The following SLC39A8 variants were observed in gnomAD, a reference collection of about 807,000 sequenced individuals.
SLC39A8 encodes metal cation symporter ZIP8.
In SLC39A8, 15 loss-of-function variants were observed where a neutral mutation model predicts 40.4. The ratio of observed to expected loss-of-function variants is 0.37; its 90% CI spans 0.25 to 0.57. SLC39A8 has a LOEUF of 0.57. Among genes scored for constraint, SLC39A8 ranks in the 20% least tolerant of loss-of-function variants. The probability of loss-of-function intolerance (pLI) is 0.75; values close to 1 mark genes in which losing one functional copy is unlikely to be tolerated. For missense variants in SLC39A8, 472 were observed against 558.8 expected, an observed-to-expected ratio of 0.84 and a Z score of 1.57; for synonymous variants, 223 against 221.6, an observed-to-expected ratio of 1.01 and a Z score of -0.06.
intron 2 of SLC39A8, among the ~76,000 whole-genome samples, chr4:102,337,212 C>A (rs1466727998): frequency 1.3e-5 from 2 of 148,828 alleles, no homozygotes; most frequent in African/African-American, 2.5e-5. Context: ...CCTACTACCA[C>A]CAAAAGGAAT....
At chr4:102,340,995 G>C (rs1735918010) in intron 2 of SLC39A8, among the ~76,000 whole-genome samples, 1 of 152,188 alleles carries the variant, frequency 6.6e-6, no homozygotes, top group African/African-American at 2.4e-5. Context: ...AGTTTAGTGG[G>C]TGCTAGGTCT....
chr4:102,267,807 A>G, intron 7 of SLC39A8, 65 bp downstream of exon 7: 1 of 1,578,136 alleles, frequency 6.3e-7, no homozygotes, highest in South Asian at 1.1e-5. Flanking sequence ...ATGTCACCTG[A>G]AAAGTCTCAT....
intron 2 of SLC39A8, among the ~76,000 whole-genome samples, chr4:102,344,181 T>C (rs368502636): frequency 2.2e-4 from 34 of 152,258 alleles, no homozygotes; most frequent in African/African-American, 8.2e-4. Context: ...TTCTATAAAA[T>C]GTTAAAATCA....
chr4:102,305,209 C>T, intron 4 of SLC39A8, 98 bp from the exon 5 acceptor site: 1 of 1,245,344 alleles, frequency 8.0e-7, no homozygotes, highest in East Asian at 2.6e-5. Flanking sequence ...TGTTCTAAGT[C>T]TCTCTTCACA....
At chr4:102,293,926 G>C (rs1420546109) in intron 6 of SLC39A8, among the ~76,000 whole-genome samples, 2 of 150,626 alleles carry the variant, frequency 1.3e-5, no homozygotes, top group Non-Finnish European at 3.0e-5. Flanking sequence ...TTTCCAAATA[G>C]ACAAGTGAAA....
intron 3 of SLC39A8, among the ~76,000 whole-genome samples, chr4:102,312,206 G>A (rs1222261082): frequency 6.6e-6 from 1 of 152,024 alleles, no homozygotes; most frequent in Non-Finnish European, 1.5e-5. Context: ...AAACATCTTA[G>A]ATGAGTAGTA....
downstream of SLC39A8, chr4:102,259,347 T>C: frequency 1.4e-6 from 1 of 730,526 alleles, no homozygotes; most frequent in Non-Finnish European, 2.3e-6. Context: ...AGTTGGTCTA[T>C]ACTGTTGTGG....
chr4:102,255,454 C>A (rs897629571), intron 11 of SLC39A8, among the ~76,000 whole-genome samples: 1 of 152,162 alleles, frequency 6.6e-6, no homozygotes, highest in African/African-American at 2.4e-5. Context: ...CAGCATCCAT[C>A]TCATTTTCCC....
chr4:102,252,680 C>T (rs1215415414), exon 12 of SLC39A8: 5 of 152,214 alleles, frequency 3.3e-5, no homozygotes, highest in Admixed American at 3.3e-4. Flanking sequence ...CATCTTTCCA[C>T]TTTCTGCTGT....
chr4:102,342,409 G>T (rs571433038), intron 2 of SLC39A8, among the ~76,000 whole-genome samples: 6 of 152,316 alleles, frequency 3.9e-5, no homozygotes, highest in Non-Finnish European at 8.8e-5. Context: ...TGAGGCAGGA[G>T]AATTGCTTGA....
intron 6 of SLC39A8, among the ~76,000 whole-genome samples, chr4:102,286,008 T>C (rs1217118666): frequency 6.6e-6 from 1 of 152,124 alleles, no homozygotes; most frequent in Non-Finnish European, 1.5e-5. Flanking sequence ...TAGAGCACAA[T>C]ATAAATATTT....
At chr4:102,321,517 G>A (rs1734967574) in intron 2 of SLC39A8, among the ~76,000 whole-genome samples, 1 of 152,208 alleles carries the variant, frequency 6.6e-6, no homozygotes, top group African/African-American at 2.4e-5. Context: ...TTGCTGAGAG[G>A]TCGTTTTTTT....
intron 1 of SLC39A8, 93 bp from the exon 2 acceptor site, chr4:102,345,008 A>C: frequency 5.6e-5 from 43 of 774,122 alleles, no homozygotes; most frequent in East Asian, 5.1e-4. Context: ...TAGCCCTCAA[A>C]CGCCCGGCCG....
chr4:102,253,432 TGACA>T (rs1472437854), intron 11 of SLC39A8: 1 of 716,260 alleles, frequency 1.4e-6, no homozygotes, highest in East Asian at 2.7e-5. Flanking sequence ...CTACCTTGCC[TGACA>T]GACAAAGAGA....
chr4:102,321,528 C>A (rs1311716461), intron 2 of SLC39A8, among the ~76,000 whole-genome samples: 1 of 151,912 alleles, frequency 6.6e-6, no homozygotes, highest in Non-Finnish European at 1.5e-5. Context: ...TCGTTTTTTT[C>A]TTTTTTCCTT....
chr4:102,296,708 C>T (rs1733691631), intron 6 of SLC39A8, among the ~76,000 whole-genome samples: 1 of 152,096 alleles, frequency 6.6e-6, no homozygotes, highest in Non-Finnish European at 1.5e-5. Flanking sequence ...TCTTCCACAT[C>T]CAACTGCCTT....
At chr4:102,253,954 A>G (rs897583891) in intron 11 of SLC39A8, among the ~76,000 whole-genome samples, 2 of 152,134 alleles carry the variant, frequency 1.3e-5, no homozygotes, top group African/African-American at 2.4e-5. Context: ...CCTTACCCCC[A>G]ACACATATTT....
intron 2 of SLC39A8, among the ~76,000 whole-genome samples, chr4:102,320,317 T>G (rs1198829138): frequency 7.5e-6 from 1 of 133,230 alleles, no homozygotes; most frequent in Non-Finnish European, 1.6e-5. Flanking sequence ...TGAGTATATA[T>G]ATATGAGAAT....
chr4:102,321,542 G>A (rs569130085), intron 2 of SLC39A8, among the ~76,000 whole-genome samples: 18 of 152,002 alleles, frequency 1.2e-4, no homozygotes, highest in South Asian at 2.1e-4. Flanking sequence ...TTTCCTTTTC[G>A]CCCAATAAAT....
Sources: gnomAD v4.1 joint callset for allele counts (sites outside exome capture counted in the v4.1 genomes callset) on GRCh38, gnomAD v4.1.1 for gene constraint, MANE v1.5 for transcripts, NCBI Gene and HGNC (gene_info 2026-07-23, HGNC 2026-07-21) for gene names.